KCNN2: variants seen among roughly 807,000 people sequenced by gnomAD.
KCNN2 encodes the protein small conductance calcium-activated potassium channel protein 2.
Under a neutral mutation model 55.5 loss-of-function variants are expected in KCNN2, and 24 were observed. That is an observed-to-expected ratio of 0.43 (90% confidence interval 0.31 to 0.61). The LOEUF (loss-of-function observed/expected upper bound fraction) is 0.61, where lower values mean the gene tolerates loss of function less well. Ranked by LOEUF, KCNN2 falls within the 20% of genes least tolerant of loss-of-function variation. The pLI is 0.08. For synonymous variants in KCNN2, 431 were observed against 336.1 expected (o/e 1.28, Z -3.09); for missense variants, 754 against 853.6 (o/e 0.88, Z 1.45).
chr5:114,223,161 G>C (rs944015040), intron 2 of KCNN2, among the ~76,000 whole-genome samples: 14 of 152,048 alleles, frequency 9.2e-5, no homozygotes, highest in Admixed American at 7.9e-4. Flanking sequence ...CAATACCTGG[G>C]CACAAATACA....
At chr5:114,383,617 C>T (rs925913337) in intron 2 of KCNN2, among the ~76,000 whole-genome samples, 14 of 152,022 alleles carry the variant, frequency 9.2e-5, no homozygotes, top group Admixed American at 4.6e-4. Context: ...TACAGGCGGG[C>T]GCAGCCATGC....
chr5:114,153,334 A>G (rs1285704525), intron 1 of KCNN2, among the ~76,000 whole-genome samples: 1 of 152,150 alleles, frequency 6.6e-6, no homozygotes, highest in Non-Finnish European at 1.5e-5. Flanking sequence ...GCTGACCTCC[A>G]TGGAATAATC....
intron 1 of KCNN2, among the ~76,000 whole-genome samples, chr5:114,089,596 A>G (rs988868865): frequency 6.6e-6 from 1 of 152,194 alleles, no homozygotes; most frequent in Non-Finnish European, 1.5e-5. Flanking sequence ...TGTAAATTCC[A>G]AATTGCCAAT....
In KCNN2 at chr5:114,362,695, C is replaced by A; in HGVS notation, c.556C>A (p.His186Asn). The change falls in exon 1 of 8, where the codon CAC (histidine) becomes AAC (asparagine). Residue 186 changes from histidine (H) to asparagine (N), a missense_variant. His to Asn is a moderately conservative substitution (Grantham distance 68). Around this residue, in one of 4 missense-constraint regions of KCNN2, gnomAD observed 381 missense variants for 259.1 expected, o/e 1.47. Transcript: ENST00000673685. ...LGSGPPLSHH[H>N]HHPHPAHHQH... ...CTCCGGGCCCCCGCTCTCGCACCAC[C>A]ACCACCACCCGCACCCGGCGCACCA... 6.8e-7 allele frequency: 1 copy of A among 1,474,702 alleles called. No homozygotes were observed. Among genetic ancestry groups the A allele is most frequent in the Non-Finnish European group, 8.9e-7 (1 of 1,121,976 alleles). The allele number at this position is 1,474,702 out of a possible 1,614,324, so 91.4% of individuals were successfully genotyped here. A position where few individuals can be genotyped will look rare whatever the true frequency, so the allele number is the denominator to read the frequency against.
In KCNN2 at chr5:114,487,040, C is replaced by T. The variant is rs754825783; in HGVS notation, c.1891-10C>T. 1 of 1,612,554 alleles carries T rather than the reference C, an allele frequency of 6.2e-7. No individual in the cohort carries two copies. The highest frequency in any genetic ancestry group is 8.5e-7 in the Non-Finnish European group (1 of 1,179,056). On this transcript the variant is annotated splice_polypyrimidine_tract_variant and intron_variant, in intron 5 of 7. Coordinates refer to ENST00000673685, the MANE Select transcript of KCNN2 (RefSeq NM_021614.4). ...GAATTTATCAACTGCTTTGTTTGTTCTCTTAACAGGTAAAAAATGCAGCTG... is the reference window on the plus strand; with the variant it reads ...GAATTTATCAACTGCTTTGTTTGTTTTCTTAACAGGTAAAAAATGCAGCTG...
chr5:114,239,849 A>G (rs1754582322), intron 2 of KCNN2, among the ~76,000 whole-genome samples: 2 of 152,218 alleles, frequency 1.3e-5, no homozygotes, highest in East Asian at 1.9e-4. Flanking sequence ...TATCAGTTGA[A>G]AGCACCAAAT....
At chr5:114,432,669 G>T (rs1424889154) in intron 3 of KCNN2, among the ~76,000 whole-genome samples, 1 of 152,192 alleles carries the variant, frequency 6.6e-6, no homozygotes, top group Non-Finnish European at 1.5e-5. Flanking sequence ...TCAGCTTGCA[G>T]GGAGGTGTAG....
At chr5:114,173,612 C>T (rs1753083028) in intron 1 of KCNN2, among the ~76,000 whole-genome samples, 1 of 151,872 alleles carries the variant, frequency 6.6e-6, no homozygotes, top group African/African-American at 2.4e-5. Flanking sequence ...ATTGATTCTT[C>T]CAATTCATGA....
intron 2 of KCNN2, among the ~76,000 whole-genome samples, chr5:114,308,706 G>A (rs923749108): frequency 6.6e-6 from 1 of 152,154 alleles, no homozygotes; most frequent in African/African-American, 2.4e-5. Context: ...AAGATGCTAA[G>A]TGTTGCATAA....
chr5:114,402,476 G>T (rs1265525498), intron 2 of KCNN2, among the ~76,000 whole-genome samples: 2 of 152,208 alleles, frequency 1.3e-5, no homozygotes, highest in Non-Finnish European at 2.9e-5. Context: ...TGAGAGAAAA[G>T]AGGCACAGGA....
At chr5:114,361,463 C>T (rs1022553459), upstream of KCNN2, among the ~76,000 whole-genome samples, 1 of 152,222 alleles carries the variant, frequency 6.6e-6, no homozygotes, top group African/African-American at 2.4e-5. Context: ...CTGGCGCAGC[C>T]GGTCGCCAAA....
rs570278801 is a variant in KCNN2, at chr5:114,160,829, C to G, written c.-270-60651C>G. Among the ~76,000 whole-genome samples, 1,013 of 152,174 alleles carry G rather than the reference C, an allele frequency of 6.7e-3. 9 individuals are homozygous for G. Among genetic ancestry groups the G allele is most frequent in the African/African-American group, 0.022 (927 of 41,488 alleles). The stretch of plus-strand genomic sequence containing the variant: ...TTATCAGAGACTAGGATTGCAACCC[C>G]TGCCTTTTTTTGTTTTCCATTTGCT... On this transcript the variant is annotated intron_variant, in intron 1 of 10. Coordinates refer to the KCNN2 transcript ENST00000512097.
intron 2 of KCNN2, among the ~76,000 whole-genome samples, chr5:114,221,632 CAA>C (rs1395859520): frequency 6.6e-6 from 1 of 152,028 alleles, no homozygotes; most frequent in Non-Finnish European, 1.5e-5. Flanking sequence ...TTATTGAAAA[CAA>C]AAGTTAGGTC....
At chr5:114,278,860 C>T (rs1755554850) in intron 2 of KCNN2, among the ~76,000 whole-genome samples, 1 of 152,138 alleles carries the variant, frequency 6.6e-6, no homozygotes, top group African/African-American at 2.4e-5. Flanking sequence ...TTCAGCTCAC[C>T]CTCTGTGGGC....
intron 2 of KCNN2, among the ~76,000 whole-genome samples, chr5:114,376,352 C>T (rs1757945603): frequency 6.6e-6 from 1 of 152,216 alleles, no homozygotes; most frequent in African/African-American, 2.4e-5. Context: ...TGCATCTGCT[C>T]TGCAGCATTT....
At chr5:114,174,319 C>G (rs1753097001) in intron 1 of KCNN2, among the ~76,000 whole-genome samples, 1 of 152,018 alleles carries the variant, frequency 6.6e-6, no homozygotes, top group African/African-American at 2.4e-5. Flanking sequence ...AGAATTGCCT[C>G]CCATAGTAAG....
At chr5:114,379,021 A>G (rs879704711) in intron 2 of KCNN2, among the ~76,000 whole-genome samples, 9 of 152,144 alleles carry the variant, frequency 5.9e-5, no homozygotes, top group Non-Finnish European at 1.3e-4. Context: ...TCATGCAAAT[A>G]ATCTTCTCCA....
intron 2 of KCNN2, among the ~76,000 whole-genome samples, chr5:114,272,137 GA>G (rs1561548769): frequency 6.6e-6 from 1 of 152,070 alleles, no homozygotes; most frequent in African/African-American, 2.4e-5. Flanking sequence ...TTCCCTCAAA[GA>G]GTAGCATCCT....
intron 1 of KCNN2, among the ~76,000 whole-genome samples, chr5:114,192,423 T>A (rs10900692): frequency 3.9e-5 from 6 of 152,122 alleles, no homozygotes; most frequent in African/African-American, 1.2e-4. Flanking sequence ...TATGTATGGA[T>A]AACATTAGCT....
Sources: allele counts gnomAD v4.1 joint callset (sites outside exome capture counted in the v4.1 genomes callset), GRCh38; gene constraint gnomAD v4.1.1; regional missense constraint gnomAD v4.1.1; transcripts MANE v1.5; gene names NCBI Gene and HGNC (gene_info 2026-07-23, HGNC 2026-07-21).